Variants in ARR3 observed in about 807,000 individuals in gnomAD.
The protein encoded by ARR3 is arrestin-C.
ARR3 carries 14 observed loss-of-function variants against 35.4 expected under a neutral mutation model. That is an observed-to-expected ratio of 0.40 (90% CI 0.26 to 0.62). The LOEUF is 0.62. Ranked by LOEUF, ARR3 falls within the 20% of genes least tolerant of loss-of-function variation. ARR3 has a pLI of 0.46. For synonymous variants in ARR3, 97 were observed against 119.1 expected (o/e 0.81, Z 1.21); for missense variants, 259 against 303.8 (o/e 0.85, Z 1.10).
rs779121554 is a variant in ARR3, at chrX:70,281,706, G to A, written c.1107G>A (p.Thr369=). 1.2e-5 allele frequency: 14 copies of A among 1,185,980 alleles called. No individual in the cohort carries two copies. In the Admixed American group the frequency reaches 2.6e-4, roughly 22 times the overall value. Residue 369 remains threonine (T), a synonymous_variant, in exon 17 of 17, where the codon ACG becomes ACA. Transcript: ENST00000307959. ...SSEDIVIEEF[T]RKGEEESQKA... The stretch of plus-strand genomic sequence containing the variant: ...AGGACATAGTCATCGAGGAGTTTAC[G>A]CGGAAAGGCGAGGAGGAGAGCCAGA...
intron 5 of ARR3, among the ~76,000 whole-genome samples, chrX:70,273,637 C>T (rs1392063488): frequency 9.0e-6 from 1 of 111,680 alleles, no homozygotes; most frequent in Non-Finnish European, 1.9e-5. Context: ...TGAACCATTG[C>T]TTAATAGCTC....
At chrX:70,276,873 T>G (rs1330431871) in intron 8 of ARR3, 137 bp downstream of exon 8, 2 of 553,339 alleles carry the variant, frequency 3.6e-6, no homozygotes, top group Non-Finnish European at 5.7e-6. Flanking sequence ...CTGAGTCCCC[T>G]CTGACTTACC....
chrX:70,281,602 G>A, intron 16 of ARR3, 74 bp from the exon 17 acceptor site: 1 of 917,972 alleles, frequency 1.1e-6, no homozygotes. Context: ...CTGGGATCAG[G>A]AAAAAAGAGT....
intron 1 of ARR3, among the ~76,000 whole-genome samples, chrX:70,268,879 CCATTCATTCATT>C (rs58504509): frequency 2.2e-4 from 24 of 110,850 alleles, no homozygotes; most frequent in South Asian, 1.9e-3. Context: ...ATTGATTTGT[CCATTCATTCATT>C]CATTCATTCA....
At chrX:70,269,633 C>G (rs373855053) in intron 2 of ARR3, 29 bp from the exon 3 acceptor site, 183 of 1,199,283 alleles carry the variant, frequency 1.5e-4, no homozygotes, top group Middle Eastern at 1.1e-3. Flanking sequence ...ATCCCCCTCT[C>G]CATCCTCTTT....
Position 70,280,761 on chromosome X carries a change from T to G in ARR3, c.1014-5T>G. The G allele has an allele frequency of 8.3e-7, 1 of 1,211,036 alleles. No individual in the cohort carries two copies. Among genetic ancestry groups the G allele is most frequent in the Non-Finnish European group, 1.1e-6 (1 of 895,258 alleles). Reference sequence around the variant, plus strand: ...AGATGTAACTCCACCTTGGGATCCTTGCAGCGATGTTGGTGTGGAGCTACC... The same window carrying G: ...AGATGTAACTCCACCTTGGGATCCTGGCAGCGATGTTGGTGTGGAGCTACC... On this transcript the variant is annotated splice_polypyrimidine_tract_variant and splice_region_variant and intron_variant, in intron 14 of 16. Coordinates refer to ENST00000307959, the MANE Select transcript of ARR3 (RefSeq NM_004312.3).
In ARR3 at chrX:70,276,690, G is replaced by T; in HGVS notation, c.427G>T (p.Val143Leu). Residue 143 changes from valine (V) to leucine (L), a missense_variant, in exon 8 of 17, where the codon GTG becomes TTG. Coordinates refer to ENST00000307959, the MANE Select transcript of ARR3 (RefSeq NM_004312.3). ...ACAGCCCTGTGGGATTGACTTTGAA[G>T]TGAAGAGTTTCTGTGCTGAAAACCC... is the stretch of plus-strand genomic sequence containing the variant. ...AGKPCGIDFE[V>L]KSFCAENPEE... The T allele has an allele frequency of 8.3e-7, 1 of 1,211,861 alleles. No homozygotes were observed.
At chrX:70,273,016 T>C (rs2147638825) in intron 5 of ARR3, among the ~76,000 whole-genome samples, 1 of 110,845 alleles carries the variant, frequency 9.0e-6, no homozygotes, top group South Asian at 3.9e-4. Context: ...CTTGGACAGG[T>C]ATCCCTCTCT....
chrX:70,272,939 C>T (rs2085635627), intron 5 of ARR3, among the ~76,000 whole-genome samples: 1 of 111,809 alleles, frequency 8.9e-6, no homozygotes. Flanking sequence ...GTCAGAGCCC[C>T]TGATAGAAAT....
At chrX:70,272,814 T>G (rs1193401562) in intron 5 of ARR3, among the ~76,000 whole-genome samples, 1 of 112,579 alleles carries the variant, frequency 8.9e-6, no homozygotes, top group Non-Finnish European at 1.9e-5. Context: ...ATTTTTCTCA[T>G]TCTCAATTTT....
At chrX:70,278,021 G>C in intron 10 of ARR3, 45 bp from the exon 11 acceptor site, 1 of 1,169,933 alleles carries the variant, frequency 8.5e-7, no homozygotes, top group Non-Finnish European at 1.2e-6. Context: ...GGGTCTCAAG[G>C]ATGACTGACT....
chrX:70,270,261 G>A (rs2085624875), intron 5 of ARR3, 117 bp downstream of exon 5: 8 of 813,797 alleles, frequency 9.8e-6, no homozygotes, highest in Non-Finnish European at 1.4e-5. Context: ...CTTCTCTGGT[G>A]GAGGCTGACA....
chrX:70,279,654 C>T (rs753182869), intron 12 of ARR3, among the ~76,000 whole-genome samples: 8 of 112,462 alleles, frequency 7.1e-5, no homozygotes, highest in Non-Finnish European at 1.5e-4. Context: ...TGTTAGTACA[C>T]GTGGTTCAGA....
At position 70,280,766 on chromosome X, in the gene ARR3, C is replaced by A. The variant is rs904972272; in HGVS notation, c.1014C>A (p.Ser338Arg). The change falls in exon 15 of 17, where the codon AGC becomes AGA. Residue 338 changes from serine (S) to arginine (R), a missense_variant and splice_region_variant. By Grantham distance (110) the Ser-to-Arg change is moderately radical. Transcript: ENST00000307959. ...TAACTCCACCTTGGGATCCTTGCAGCGATGTTGGTGTGGAGCTACCCTTGG... is the reference window on the plus strand; with the variant it reads ...TAACTCCACCTTGGGATCCTTGCAGAGATGTTGGTGTGGAGCTACCCTTGG... ...CGGILGDLTA[S>R]DVGVELPLVL... The A allele has an allele frequency of 8.3e-7, 1 of 1,211,041 alleles. No homozygotes were observed. Among genetic ancestry groups the A allele is most frequent in the Admixed American group, 2.2e-5 (1 of 45,977 alleles).
At position 70,280,762 on chromosome X, in the gene ARR3, G is replaced by A; in HGVS notation, c.1014-4G>A. 8.3e-7 allele frequency: 1 copy of A among 1,211,555 alleles called. No individual in the cohort carries two copies. The highest frequency in any genetic ancestry group is 1.1e-6 in the Non-Finnish European group (1 of 895,437). On this transcript the variant is annotated splice_polypyrimidine_tract_variant and splice_region_variant and intron_variant, in intron 14 of 16. Coordinates refer to ENST00000307959, the MANE Select transcript of ARR3 (RefSeq NM_004312.3). ...GATGTAACTCCACCTTGGGATCCTT[G>A]CAGCGATGTTGGTGTGGAGCTACCC...
chrX:70,270,953 T>C (rs774072499), intron 5 of ARR3, among the ~76,000 whole-genome samples: 1 of 110,956 alleles, frequency 9.0e-6, no homozygotes, highest in African/African-American at 3.3e-5. Context: ...GTGATCCAAC[T>C]AGACTGAAAA....
Position 70,280,176 on chromosome X carries a change from C to T in ARR3, c.906-19C>T, listed in dbSNP as rs778798904. 3.3e-6 allele frequency: 4 copies of T among 1,199,950 alleles called. No homozygotes were observed. The highest frequency in any genetic ancestry group is 1.8e-5 in the South Asian group (1 of 56,008). On this transcript the variant is annotated intron_variant, in intron 12 of 16. Coordinates refer to ENST00000307959, the MANE Select transcript of ARR3 (RefSeq NM_004312.3). ...TCTTCATGCCCCAAACACCCTAAAACGAATACTACAACCTCCAGTATTAGA... is the reference window on the plus strand; with the variant it reads ...TCTTCATGCCCCAAACACCCTAAAATGAATACTACAACCTCCAGTATTAGA...
chrX:70,281,000 GT>G lies in ARR3; in HGVS notation c.1067-97del, dbSNP rs1445580324. On this transcript the variant is annotated intron_variant, in intron 15 of 16. Coordinates refer to ENST00000307959, the MANE Select transcript of ARR3 (RefSeq NM_004312.3). ...GTGTGCTGGAGCAAAGGATTGGGAA[GT>G]TGGGGGGGGGGGAAGTAAAGATACT... 1.5e-4 allele frequency: 95 copies of G among 633,779 alleles called. No homozygotes were observed. In the African/African-American group the frequency reaches 3.7e-3, roughly 25 times the overall value. 52.2% of individuals were successfully genotyped at this position (633,779 alleles called of 1,213,427 possible).
chrX:70,269,995 G>A (rs1351448606), intron 4 of ARR3, 92 bp downstream of exon 4: 1 of 1,166,604 alleles, frequency 8.6e-7, no homozygotes, highest in Non-Finnish European at 1.2e-6. Flanking sequence ...AGAAAAGGAG[G>A]CAAATTAAAG....
Sources: allele counts gnomAD v4.1 joint callset (sites outside exome capture counted in the v4.1 genomes callset), GRCh38; gene constraint gnomAD v4.1.1; transcripts MANE v1.5; gene names NCBI Gene and HGNC (gene_info 2026-07-23, HGNC 2026-07-21).